The following RAI1 variants were observed in gnomAD, a reference collection of about 807,000 sequenced individuals.
The protein encoded by RAI1 is retinoic acid-induced protein 1.
A neutral mutation model predicts 123.8 loss-of-function variants in RAI1; 9 were observed. The ratio of observed to expected loss-of-function variants is 0.07; its 90% CI spans 0.04 to 0.13. The LOEUF (loss-of-function observed/expected upper bound fraction) is 0.13, where lower values mean the gene tolerates loss of function less well. RAI1 is among the 10% of genes least tolerant of loss of function. RAI1 has a pLI of 1.00. For synonymous variants in RAI1, 1,231 were observed against 1,127.3 expected (o/e 1.09, Z -1.84); for missense variants, 2,256 against 2,545.8 (o/e 0.89, Z 2.45).
At chr17:17,788,514 T>G (rs2031906370) in intron 2 of RAI1, among the ~76,000 whole-genome samples, 1 of 152,198 alleles carries the variant, frequency 6.6e-6, no homozygotes, top group African/African-American at 2.4e-5. Flanking sequence ...CTGCCTGGAC[T>G]CCTCCTCTGC....
chr17:17,684,111 G>A (rs574554019), intron 1 of RAI1: 1 of 151,930 alleles, frequency 6.6e-6, no homozygotes, highest in Non-Finnish European at 1.5e-5. Flanking sequence ...GGGCTCAAGC[G>A]ATCCTCCCTC....
rs915450898 is a variant in RAI1, at chr17:17,716,799, T to C, written c.-148-7229T>C. Among the ~76,000 whole-genome samples the C allele has an allele frequency of 3.3e-5, 5 of 152,142 alleles. No individual in the cohort carries two copies. In the East Asian group the frequency reaches 9.6e-4, roughly 29 times the overall value. On this transcript the variant is annotated intron_variant, in intron 1 of 5. Transcript: ENST00000353383. ...GTGGTGCTGCTGGACTCTGTTGTGG[T>C]CACCACGGCCCCGTGGGCTTAGCGT...
At chr17:17,753,128 C>T (rs1168967501) in intron 2 of RAI1, among the ~76,000 whole-genome samples, 1 of 152,162 alleles carries the variant, frequency 6.6e-6, no homozygotes, top group Non-Finnish European at 1.5e-5. Context: ...GCCCGAGGAG[C>T]CTGGTTTGGT....
At chr17:17,749,595 C>T (rs984862141) in intron 2 of RAI1, among the ~76,000 whole-genome samples, 8 of 152,168 alleles carry the variant, frequency 5.3e-5, no homozygotes, top group African/African-American at 1.9e-4. Flanking sequence ...CTTCATCTTC[C>T]CCCCCTCTTG....
At chr17:17,732,600 T>C (rs1916306779) in intron 2 of RAI1, among the ~76,000 whole-genome samples, 1 of 152,152 alleles carries the variant, frequency 6.6e-6, no homozygotes, top group Admixed American at 6.5e-5. Context: ...CAACTGAGCC[T>C]GTTCTCATGC....
chr17:17,701,938 C>T (rs1455960389), intron 1 of RAI1, among the ~76,000 whole-genome samples: 2 of 152,216 alleles, frequency 1.3e-5, no homozygotes, highest in African/African-American at 4.8e-5. Context: ...TCCAAGGACT[C>T]CAGTCGGGGA....
intron 2 of RAI1, among the ~76,000 whole-genome samples, chr17:17,760,113 A>G (rs2142992097): frequency 6.6e-6 from 1 of 152,338 alleles, no homozygotes; most frequent in South Asian, 2.1e-4. Context: ...GCACCCAGAC[A>G]GAGTACTGCC....
intron 2 of RAI1, among the ~76,000 whole-genome samples, chr17:17,788,487 T>TTCCACCTTC (rs1249153145): frequency 1.3e-5 from 2 of 152,086 alleles, no homozygotes; most frequent in Non-Finnish European, 2.9e-5. Flanking sequence ...GCCTGAGGAG[T>TTCCACCTTC]TCCACCTTCT....
intron 2 of RAI1, chr17:17,778,289 C>T: frequency 5.0e-6 from 1 of 199,408 alleles, no homozygotes; most frequent in South Asian, 9.1e-5. Context: ...CGCAGACATA[C>T]GTGGCTCCCT....
At position 17,810,806 on chromosome 17, in the gene RAI1, C is replaced by T. The variant is rs759850736; in HGVS notation, c.*825C>T. Reference sequence around the variant, plus strand: ...AAGCGGCCAGAACGCACCTCCGGCTCCGGCGGACGCGCGACCGTTGTGCAC... The same window carrying T: ...AAGCGGCCAGAACGCACCTCCGGCTTCGGCGGACGCGCGACCGTTGTGCAC... On this transcript the variant is annotated 3_prime_UTR_variant, in exon 6 of 6. Transcript: ENST00000353383. This position sits in a 1 kb window ranked among gnomAD's most constrained non-coding sequence, Gnocchi z 4.6. The T allele has an allele frequency of 6.6e-6, 3 of 454,932 alleles. No individual in the cohort carries two copies. Among genetic ancestry groups the T allele is most frequent in the Admixed American group, 2.4e-5 (1 of 42,510 alleles). 28.2% of individuals were successfully genotyped at this position (454,932 alleles called of 1,614,324 possible).
At chr17:17,687,622 G>C (rs1195094279) in intron 1 of RAI1, among the ~76,000 whole-genome samples, 1 of 152,144 alleles carries the variant, frequency 6.6e-6, no homozygotes, top group South Asian at 2.1e-4. Flanking sequence ...CACTGGATTC[G>C]GAATCAGGAA....
chr17:17,712,066 AT>A (rs1915582892), intron 1 of RAI1, among the ~76,000 whole-genome samples: 1 of 152,256 alleles, frequency 6.6e-6, no homozygotes, highest in African/African-American at 2.4e-5. Flanking sequence ...TAAACCACAC[AT>A]GTCCGCAGGC....
chr17:17,810,013 G>T lies in RAI1; in HGVS notation c.*32G>T. 6.5e-7 allele frequency: 1 copy of T among 1,544,228 alleles called. No individual in the cohort carries two copies. The highest frequency in any genetic ancestry group is 8.7e-7 in the Non-Finnish European group (1 of 1,145,132). On this transcript the variant is annotated 3_prime_UTR_variant, in exon 6 of 6. Coordinates refer to ENST00000353383, the MANE Select transcript of RAI1 (RefSeq NM_030665.4). The surrounding 1 kb of genome is among the most constrained non-coding windows in gnomAD (Gnocchi z 4.6). The stretch of plus-strand genomic sequence containing the variant: ...ACCCCAACGGCCGGAGGAGCCGCCG[G>T]AGCCCGCCTGCCCGCCCGCCGCCGA...
chr17:17,773,346 A>G (rs1177592948), intron 2 of RAI1, among the ~76,000 whole-genome samples: 1 of 152,166 alleles, frequency 6.6e-6, no homozygotes, highest in Non-Finnish European at 1.5e-5. Flanking sequence ...CAGACAGTGC[A>G]TGGGACAGAA....
chr17:17,753,975 G>T (rs897096455), intron 2 of RAI1, among the ~76,000 whole-genome samples: 7 of 152,116 alleles, frequency 4.6e-5, no homozygotes, highest in Non-Finnish European at 1.0e-4. Flanking sequence ...CTCATACCTG[G>T]GCTGGGTGGT....
In RAI1 at chr17:17,794,425, G is replaced by A. The variant is rs771338032; in HGVS notation, c.1477G>A (p.Ala493Thr). 13 of 1,612,948 alleles carry A rather than the reference G, an allele frequency of 8.1e-6. No homozygotes were observed. The highest frequency in any genetic ancestry group is 4.4e-5 in the South Asian group (4 of 91,088). ...PEGSGYSAEP[A>T]GTPLSEPPSS... is the part of the protein sequence containing the mutation. ...AGGGAGCGGCTACTCAGCCGAGCCC[G>A]CAGGCACACCGCTGTCAGAGCCGCC... Residue 493 changes from alanine to threonine, a missense_variant, in exon 3 of 6, where the codon GCA becomes ACA. Coordinates refer to ENST00000353383, the MANE Select transcript of RAI1 (RefSeq NM_030665.4).
chr17:17,715,441 T>G (rs1032980178), intron 1 of RAI1, among the ~76,000 whole-genome samples: 1 of 152,210 alleles, frequency 6.6e-6, no homozygotes, highest in Admixed American at 6.5e-5. Flanking sequence ...GGATTCCATG[T>G]GGGGTGCTTG....
rs370829276 is a variant in RAI1 at position 17,724,522 on chromosome 17, C to T, written c.-17+363C>T. On this transcript the variant is annotated intron_variant, in intron 2 of 5. Coordinates refer to ENST00000353383, the MANE Select transcript of RAI1 (RefSeq NM_030665.4). ...GCGGTCTTGACGAATGTGGTATTGG[C>T]GGAAGGCATGGGGCTGAGATGGCGG... Among the ~76,000 whole-genome samples the T allele has an allele frequency of 8.2e-5, 12 of 146,450 alleles. No homozygotes were observed. In the East Asian group the frequency reaches 1.0e-3, roughly 12 times the overall value.
At chr17:17,758,704 T>C (rs1410075922) in intron 2 of RAI1, among the ~76,000 whole-genome samples, 1 of 152,164 alleles carries the variant, frequency 6.6e-6, no homozygotes, top group African/African-American at 2.4e-5. Flanking sequence ...CTAATTGCAG[T>C]TGTGCAATGA....
Sources: allele counts gnomAD v4.1 joint callset (sites outside exome capture counted in the v4.1 genomes callset), GRCh38; gene constraint gnomAD v4.1.1; non-coding constraint Gnocchi (gnomAD v3.1); transcripts MANE v1.5; gene names NCBI Gene and HGNC (gene_info 2026-07-23, HGNC 2026-07-21).